SYNE2: variants seen among roughly 807,000 people sequenced by gnomAD.
SYNE2 encodes the protein nesprin-2.
SYNE2 carries 431 observed loss-of-function variants against 856.3 expected under a neutral mutation model. The ratio of observed to expected loss-of-function variants is 0.50; its 90% CI spans 0.47 to 0.55. SYNE2 has a LOEUF of 0.55. Ranked by LOEUF, SYNE2 falls within the 20% of genes least tolerant of loss-of-function variation. The pLI, the probability that SYNE2 is intolerant of heterozygous loss-of-function variation, is 0.00. For missense variants in SYNE2, 8,129 were observed against 8,023.2 expected (o/e 1.01, Z -0.50); for synonymous variants, 2,923 against 2,872.3 (o/e 1.02, Z -0.56).
At chr14:63,991,222 C>T in intron 21 of SYNE2, 107 bp downstream of exon 21, 1 of 1,141,896 alleles carries the variant, frequency 8.8e-7, no homozygotes, top group Non-Finnish European at 1.3e-6. Flanking sequence ...GTTACTGTAA[C>T]TTAAAAAGAA....
chr14:64,127,579 T>C (rs1241001615), intron 73 of SYNE2, among the ~76,000 whole-genome samples: 1 of 152,070 alleles, frequency 6.6e-6, no homozygotes, highest in East Asian at 1.9e-4. Context: ...GAGGGAGCCA[T>C]TAAGGTTTTT....
At chr14:63,838,360 A>T (rs1889932618) in intron 1 of SYNE2, among the ~76,000 whole-genome samples, 1 of 152,092 alleles carries the variant, frequency 6.6e-6, no homozygotes, top group South Asian at 2.1e-4. Flanking sequence ...AAACAAAAAA[A>T]CTTTGATTGT....
intron 112 of SYNE2, among the ~76,000 whole-genome samples, chr14:64,222,081 A>G (rs1278874294): frequency 6.6e-6 from 1 of 152,210 alleles, no homozygotes; most frequent in Non-Finnish European, 1.5e-5. Context: ...TGTATCCACT[A>G]TGGAAAAATC....
chr14:64,209,982 A>G lies in SYNE2; in HGVS notation c.18581A>G (p.Glu6194Gly), dbSNP rs1248590387. Reference sequence around the variant, plus strand: ...ATTCATGAGCGGCTCACTCAGCTGGAGCTCATCAACAAGCAGTACCGGCGG... The same window carrying G: ...ATTCATGAGCGGCTCACTCAGCTGGGGCTCATCAACAAGCAGTACCGGCGG... Reference protein sequence around the residue: ...RQIHERLTQLELINKQYRRLA... With the variant: ...RQIHERLTQLGLINKQYRRLA... Residue 6194 changes from glutamate (E) to glycine (G), a missense_variant, in exon 103 of 116, where the codon GAG (glutamate) becomes GGG (glycine). Transcript: ENST00000555002. 1 of 1,614,024 alleles carries G rather than the reference A, an allele frequency of 6.2e-7. No individual in the cohort carries two copies. The highest frequency in any genetic ancestry group is 1.1e-5 in the South Asian group (1 of 91,066).
At chr14:63,940,294 G>T (rs961894418) in intron 2 of SYNE2, among the ~76,000 whole-genome samples, 1 of 151,992 alleles carries the variant, frequency 6.6e-6, no homozygotes, top group Non-Finnish European at 1.5e-5. Context: ...GAGCTCACAC[G>T]ATCTGCTTAC....
intron 45 of SYNE2, among the ~76,000 whole-genome samples, chr14:64,040,702 G>A (rs932363565): frequency 6.8e-6 from 1 of 146,210 alleles, no homozygotes; most frequent in East Asian, 2.0e-4. Flanking sequence ...TATATATATG[G>A]CAGAAAATAG....
At chr14:64,197,734 C>T (rs190246252) in intron 99 of SYNE2, among the ~76,000 whole-genome samples, 6 of 152,286 alleles carry the variant, frequency 3.9e-5, no homozygotes, top group Admixed American at 2.0e-4. Flanking sequence ...ATAAATTTGA[C>T]ATGTAAAGCC....
At chr14:63,815,076 ATATC>A (rs1330304745) in intron 1 of SYNE2, among the ~76,000 whole-genome samples, 15 of 139,230 alleles carry the variant, frequency 1.1e-4, no homozygotes, top group Non-Finnish European at 9.4e-5. Flanking sequence ...CCACATATAT[ATATC>A]CATATATATG....
At position 64,139,923 on chromosome 14, in the gene SYNE2, TCA is replaced by T; in HGVS notation, c.14844-16_14844-15del. On this transcript the variant is annotated splice_polypyrimidine_tract_variant and intron_variant, in intron 79 of 115. Coordinates refer to ENST00000555002, the MANE Select transcript of SYNE2 (RefSeq NM_182914.3). ...ATATGTTTCTAATCTGCCTTCTCTC[TCA>T]CTTTGCTCCTGTTAGTTATAACAGA... The T allele has an allele frequency of 6.2e-7, 1 of 1,613,926 alleles. No homozygotes were observed.
At chr14:63,772,005 A>C (rs1056900645) in intron 1 of SYNE2, among the ~76,000 whole-genome samples, 1 of 152,242 alleles carries the variant, frequency 6.6e-6, no homozygotes, top group Non-Finnish European at 1.5e-5. Context: ...AAAAATGCTA[A>C]ATGGGGAAAA....
At chr14:63,923,495 C>G (rs933748330) in intron 2 of SYNE2, among the ~76,000 whole-genome samples, 6 of 152,196 alleles carry the variant, frequency 3.9e-5, no homozygotes, top group Non-Finnish European at 7.3e-5. Flanking sequence ...CCTTCCCTAG[C>G]CATTTAATCA....
intron 53 of SYNE2, 130 bp downstream of exon 53, chr14:64,074,266 G>A (rs2097438508): frequency 1.1e-6 from 1 of 896,174 alleles, no homozygotes; most frequent in Non-Finnish European, 1.9e-6. Context: ...AGAGGCATAG[G>A]CAAAGGCCCT....
At chr14:63,969,517 A>G (rs1595938219) in intron 11 of SYNE2, among the ~76,000 whole-genome samples, 3 of 151,280 alleles carry the variant, frequency 2.0e-5, no homozygotes, top group African/African-American at 7.3e-5. Flanking sequence ...AATTTTTTGT[A>G]TTTTTAATAG....
intron 67 of SYNE2, 146 bp downstream of exon 67, chr14:64,119,755 A>G: frequency 1.3e-6 from 1 of 778,446 alleles, no homozygotes; most frequent in East Asian, 2.7e-5. Context: ...ACCATAGATG[A>G]GTACACTGGC....
At chr14:64,216,067 C>T (rs971101956) in intron 107 of SYNE2, 181 bp from the exon 108 acceptor site, 5 of 1,503,540 alleles carry the variant, frequency 3.3e-6, no homozygotes, top group Non-Finnish European at 4.4e-6. Flanking sequence ...AGTGAAGGCA[C>T]AGTGTTGCTG....
At chr14:63,792,655 T>C (rs934630460) in intron 1 of SYNE2, among the ~76,000 whole-genome samples, 30 of 25,360 alleles carry the variant, frequency 1.2e-3, no homozygotes, top group African/African-American at 2.2e-3. Context: ...TTTTATTTAT[T>C]TGTTTGTTTG....
chr14:64,025,394 A>C lies in SYNE2; in HGVS notation c.6225A>C (p.Pro2075=), dbSNP rs773319758. The C allele has an allele frequency of 6.2e-7, 1 of 1,613,162 alleles. No individual in the cohort carries two copies. Among genetic ancestry groups the C allele is most frequent in the African/African-American group, 1.3e-5 (1 of 74,940 alleles). ...MVLNSSEGKM[P]LEERIQKIKE... ...TGAATTCATCCGAAGGCAAAATGCC[A>C]CTTGAGGAAAGAATCCAAAAAATCA... Residue 2075 remains proline, a synonymous_variant, in exon 41 of 116, where the codon CCA becomes CCC. Transcript: ENST00000555002.
At chr14:64,132,552 C>T (rs2098033322) in intron 77 of SYNE2, 114 bp downstream of exon 77, 2 of 1,382,846 alleles carry the variant, frequency 1.4e-6, no homozygotes. Flanking sequence ...TAAATGGAAG[C>T]CTGACAGTGA....
Position 64,126,497 on chromosome 14 carries a change from A to G in SYNE2, c.13707+18A>G. 1 of 1,614,138 alleles carries G rather than the reference A, an allele frequency of 6.2e-7. No individual in the cohort carries two copies. ...ACTACGAGGTAGGGCACTTCTCACG[A>G]GCCCATGTGTTGGCCATTACAGCAG... is the stretch of plus-strand genomic sequence containing the variant. On this transcript the variant is annotated intron_variant, in intron 72 of 115. Transcript: ENST00000555002.
Sources: allele counts gnomAD v4.1 joint callset (sites outside exome capture counted in the v4.1 genomes callset), GRCh38; gene constraint gnomAD v4.1.1; transcripts MANE v1.5; gene names NCBI Gene and HGNC (gene_info 2026-07-23, HGNC 2026-07-21).